Variants in SPATA9 observed in about 807,000 individuals in gnomAD.
SPATA9 encodes the protein spermatogenesis associated 9, also known as spermatogenesis-associated protein 9.
In SPATA9, 27 loss-of-function variants were observed where a neutral mutation model predicts 25.5. The observed-to-expected ratio is 1.06, with a 90% CI of 0.78 to 1.46. The LOEUF is 1.46. SPATA9 is among the 40% of genes most tolerant of loss of function. The pLI is 0.00. For synonymous variants in SPATA9, 102 were observed against 105.7 expected (o/e 0.97, Z 0.21); for missense variants, 282 against 297.5 (o/e 0.95, Z 0.38).
chr5:95,692,503 T>C (rs1753918418), intron 1 of SPATA9, among the ~76,000 whole-genome samples: 2 of 152,072 alleles, frequency 1.3e-5, no homozygotes, highest in South Asian at 4.1e-4. Flanking sequence ...TGGATCTATA[T>C]TATTTCTAAT....
At chr5:95,702,321 A>G (rs1458156365), upstream of SPATA9, among the ~76,000 whole-genome samples, 1 of 152,202 alleles carries the variant, frequency 6.6e-6, no homozygotes, top group Admixed American at 6.5e-5. Context: ...ATATTTAAAA[A>G]TACGTATCTG....
the SPATA9 span, among the ~76,000 whole-genome samples, chr5:95,705,846 T>C: frequency 6.6e-6 from 1 of 152,224 alleles, no homozygotes; most frequent in South Asian, 2.1e-4. Flanking sequence ...AACAGAATTA[T>C]ATCTCTAGTG....
the SPATA9 span, among the ~76,000 whole-genome samples, chr5:95,706,205 A>G: frequency 6.6e-6 from 1 of 151,688 alleles, no homozygotes; most frequent in Non-Finnish European, 1.5e-5. Context: ...GGAACTGCCC[A>G]GTTCATATGG....
chr5:95,729,864 G>T, the SPATA9 span, among the ~76,000 whole-genome samples: 5 of 152,220 alleles, frequency 3.3e-5, no homozygotes, highest in South Asian at 8.3e-4. Context: ...TTTTTTAAAC[G>T]CTAATCATCC....
the SPATA9 span, among the ~76,000 whole-genome samples, chr5:95,707,525 T>A: frequency 6.6e-6 from 1 of 151,702 alleles, no homozygotes; most frequent in East Asian, 1.9e-4. Flanking sequence ...AGTAAAGTAG[T>A]CAAAAAGTTA....
chr5:95,695,731 A>G (rs760339205), intron 1 of SPATA9, among the ~76,000 whole-genome samples: 5 of 152,220 alleles, frequency 3.3e-5, no homozygotes, highest in South Asian at 2.1e-4. Context: ...TATATGAAAT[A>G]TTTGTTAAAT....
chr5:95,688,231 T>TA (rs1313363726), intron 1 of SPATA9, among the ~76,000 whole-genome samples: 2 of 152,144 alleles, frequency 1.3e-5, no homozygotes, highest in Non-Finnish European at 2.9e-5. Context: ...TATTCAGCCA[T>TA]AAAAAAGAAT....
At chr5:95,731,415 G>A in the SPATA9 span, 5 of 1,188,594 alleles carry the variant, frequency 4.2e-6, no homozygotes, top group South Asian at 4.0e-5. Context: ...GGGGCTGTGC[G>A]GCGGTCCCGC....
intron 3 of SPATA9, among the ~76,000 whole-genome samples, chr5:95,674,512 C>G (rs1752729274): frequency 6.6e-6 from 1 of 152,144 alleles, no homozygotes; most frequent in Non-Finnish European, 1.5e-5. Flanking sequence ...CAGGGGTTTT[C>G]TCCCTCTTTT....
the SPATA9 span, chr5:95,731,565 C>T: frequency 4.0e-6 from 6 of 1,493,242 alleles, no homozygotes; most frequent in Non-Finnish European, 5.3e-6. Context: ...TGGAGGCGCG[C>T]GAGGGGGACG....
At chr5:95,661,922 CAAAA>C (rs555317902) in intron 4 of SPATA9, among the ~76,000 whole-genome samples, 1 of 150,868 alleles carries the variant, frequency 6.6e-6, no homozygotes, top group African/African-American at 2.4e-5. Flanking sequence ...AGAATGCTAA[CAAAA>C]AAACATAAAA....
At chr5:95,688,197 T>C (rs1289243966) in intron 1 of SPATA9, among the ~76,000 whole-genome samples, 4 of 152,160 alleles carry the variant, frequency 2.6e-5, no homozygotes, top group South Asian at 2.1e-4. Context: ...AAAGAAAATA[T>C]GGTGTGTATA....
At chr5:95,683,796 C>G (rs1363635640), upstream of SPATA9, among the ~76,000 whole-genome samples, 1 of 152,160 alleles carries the variant, frequency 6.6e-6, no homozygotes, top group East Asian at 1.9e-4. Context: ...CTCGGCCTCC[C>G]AAAGTGCTGG....
chr5:95,657,016 A>C (rs1750800505), downstream of SPATA9: 1 of 152,168 alleles, frequency 6.6e-6, no homozygotes, highest in African/African-American at 2.4e-5. Context: ...ATCAAGGCAG[A>C]TCTTGAAGTA....
chr5:95,704,687 C>T, the SPATA9 span, among the ~76,000 whole-genome samples: 1 of 151,942 alleles, frequency 6.6e-6, no homozygotes, highest in Non-Finnish European at 1.5e-5. Context: ...GCTGCTATAA[C>T]ATAGTACCTG....
At chr5:95,680,957 A>C (rs1381228284) in intron 2 of SPATA9, among the ~76,000 whole-genome samples, 2 of 152,078 alleles carry the variant, frequency 1.3e-5, no homozygotes, top group Admixed American at 1.3e-4. Context: ...TTTACACATT[A>C]TCTCTCATCC....
At chr5:95,731,164 G>A in the SPATA9 span, 1 of 1,010,644 alleles carries the variant, frequency 9.9e-7, no homozygotes, top group Non-Finnish European at 1.2e-6. Context: ...CGGCTCCTTT[G>A]TGTCCAGCCG....
the SPATA9 span, among the ~76,000 whole-genome samples, chr5:95,707,679 T>A: frequency 1.3e-5 from 2 of 152,162 alleles, no homozygotes; most frequent in African/African-American, 4.8e-5. Flanking sequence ...CAGTATCTTA[T>A]CAGTTAATTG....
rs1750987589 is a variant in SPATA9, at chr5:95,658,920, A to G, written c.475-7T>C. The G allele has an allele frequency of 5.1e-6, 8 of 1,578,766 alleles. No individual in the cohort carries two copies. Among genetic ancestry groups the G allele is most frequent in the Non-Finnish European group, 6.9e-6 (8 of 1,166,580 alleles). ...CAGCATTAACACAGACTGCCTATAC[A>G]ATAAAAAGAGTTTGTAAAGTGAAGT... On this transcript the variant is annotated splice_region_variant and splice_polypyrimidine_tract_variant and intron_variant, in intron 4 of 4. Transcript: ENST00000274432.
Sources: gnomAD v4.1 joint callset for allele counts (sites outside exome capture counted in the v4.1 genomes callset) on GRCh38, gnomAD v4.1.1 for gene constraint, MANE v1.5 for transcripts, NCBI Gene and HGNC (gene_info 2026-07-23, HGNC 2026-07-21) for gene names.